Variants in NARS2 observed in about 807,000 individuals in gnomAD.
NARS2 encodes asparaginyl-tRNA synthetase.
A neutral mutation model predicts 62.9 loss-of-function variants in NARS2; 60 were observed. The observed-to-expected ratio is 0.95, with a 90% CI of 0.77 to 1.18. NARS2 has a LOEUF of 1.18. NARS2 is among the 50% of genes most tolerant of loss of function. NARS2 has a pLI of 0.00. For missense variants in NARS2, 619 were observed against 576.4 expected, an observed-to-expected ratio of 1.07 and a Z score of -0.76; for synonymous variants, 196 against 200.0, an observed-to-expected ratio of 0.98 and a Z score of 0.17.
chr11:78,556,027 G>A (rs1453922182), intron 5 of NARS2, among the ~76,000 whole-genome samples: 1 of 152,196 alleles, frequency 6.6e-6, no homozygotes. Context: ...TTATTGTGCT[G>A]TGGTCTGAGA....
At chr11:78,521,424 C>T (rs1041194911) in intron 6 of NARS2, among the ~76,000 whole-genome samples, 3 of 152,146 alleles carry the variant, frequency 2.0e-5, no homozygotes, top group Admixed American at 6.5e-5. Flanking sequence ...CCTCCTGCCT[C>T]AGCCTCTCAA....
intron 5 of NARS2, among the ~76,000 whole-genome samples, chr11:78,552,555 T>C (rs1217092213): frequency 6.6e-6 from 1 of 152,166 alleles, no homozygotes; most frequent in Non-Finnish European, 1.5e-5. Context: ...TTGGGCAAAC[T>C]TCCTCTCATT....
Position 78,478,676 on chromosome 11 carries a change from T to G in NARS2, c.830A>C (p.Glu277Ala). The change falls in exon 8 of 14, where the codon GAG becomes GCG. Residue 277 changes from glutamate (E) to alanine (A), a missense_variant. Glu to Ala is a moderately radical substitution (Grantham distance 107, BLOSUM62 -1). Coordinates refer to ENST00000281038, the MANE Select transcript of NARS2 (RefSeq NM_024678.6). ...CATTGTTGTAGCCTTGAACAGTTCC[T>G]CTATAACCTAAGAGAAATGAAATAG... ...DSLQDLMQVI[E>A]ELFKATTMMV... The G allele has an allele frequency of 1.2e-6, 2 of 1,602,256 alleles. No homozygotes were observed. Among genetic ancestry groups the G allele is most frequent in the Non-Finnish European group, 1.7e-6 (2 of 1,172,388 alleles).
intron 5 of NARS2, among the ~76,000 whole-genome samples, chr11:78,557,773 A>C (rs1164126898): frequency 6.7e-6 from 1 of 148,870 alleles, no homozygotes; most frequent in African/African-American, 2.4e-5. Context: ...TTTAGAGGTC[A>C]AGATATATAT....
At position 78,509,826 on chromosome 11, in the gene NARS2, CA is replaced by C. The variant is rs71046976; in HGVS notation, c.690-16632del. On this transcript the variant is annotated intron_variant, in intron 6 of 13. Coordinates refer to ENST00000281038, the MANE Select transcript of NARS2 (RefSeq NM_024678.6). ...TGGGTGATGGAGTGAGACTCTGTCT[CA>C]AAAAAAAAAAAAAAAGAAAAGAAAA... 9.2e-3 allele frequency among the ~76,000 whole-genome samples: 1,068 copies of C among 116,666 alleles called. 13 individuals carry two copies. Among genetic ancestry groups the C allele is most frequent in the African/African-American group, 0.036 (987 of 27,732 alleles). 76.5% of individuals were successfully genotyped at this position (116,666 alleles called of 152,430 possible). A position where few individuals can be genotyped will look rare whatever the true frequency, so the allele number is the denominator to read the frequency against.
Position 78,493,113 on chromosome 11 carries a change from T to C in NARS2, c.772A>G (p.Met258Val), listed in dbSNP as rs1316806206. The change falls in exon 7 of 14, where the codon ATG (methionine) becomes GTG (valine). Residue 258 changes from methionine (M) to valine (V), a missense_variant. Physicochemically the swap from Met to Val is conservative, Grantham distance 21. Transcript: ENST00000281038. ...QSRRHLAEFY[M>V]IEAEISFVDS... ...ACAAAAGAAATCTCTGCTTCTATCATATAAAACTCTGCCAGGTGCCTCCGG... is the reference window on the plus strand; with the variant it reads ...ACAAAAGAAATCTCTGCTTCTATCACATAAAACTCTGCCAGGTGCCTCCGG... 2 of 1,613,906 alleles carry C rather than the reference T, an allele frequency of 1.2e-6. No homozygotes were observed. The highest frequency in any genetic ancestry group is 1.6e-4 in the Middle Eastern group (1 of 6,078).
At chr11:78,516,174 T>C (rs1055749522) in intron 6 of NARS2, among the ~76,000 whole-genome samples, 1 of 152,204 alleles carries the variant, frequency 6.6e-6, no homozygotes, top group Non-Finnish European at 1.5e-5. Flanking sequence ...TATTCAAGTA[T>C]AATATATCAA....
intron 5 of NARS2, among the ~76,000 whole-genome samples, chr11:78,558,779 A>G (rs894233788): frequency 1.3e-5 from 2 of 152,224 alleles, no homozygotes; most frequent in African/African-American, 4.8e-5. Context: ...CAAAATATAA[A>G]TCAGTTCTTA....
chr11:78,503,843 G>A (rs868821336), intron 6 of NARS2, among the ~76,000 whole-genome samples: 5 of 152,202 alleles, frequency 3.3e-5, no homozygotes, highest in African/African-American at 1.2e-4. Context: ...TAAGAAGGAG[G>A]AGGAGGAGGA....
At chr11:78,465,801 GA>G in intron 11 of NARS2, 74 bp downstream of exon 11, 1 of 1,473,396 alleles carries the variant, frequency 6.8e-7, no homozygotes, top group African/African-American at 1.4e-5. Context: ...TGACATTTAA[GA>G]AAAGATCACA....
chr11:78,465,594 TACAAA>T (rs775653540), intron 11 of NARS2, among the ~76,000 whole-genome samples: 5 of 152,094 alleles, frequency 3.3e-5, no homozygotes, highest in African/African-American at 1.2e-4. Context: ...TCTCAGTCAT[TACAAA>T]ACAAAACAAA....
Position 78,493,192 on chromosome 11 carries a change from A to C in NARS2, c.693T>G (p.Ala231=), listed in dbSNP as rs549103655. The change falls in exon 7 of 14, where the codon GCT becomes GCG. Residue 231 remains alanine (A), a synonymous_variant. Transcript: ENST00000281038. ...GACCAAAGGTAAACACTTGAGTAAA[A>C]GCTCTGCAATTCAAGATTAAGAGAA... The part of the protein sequence containing the change: ...GQLHLEVMSG[A]FTQVFTFGPT... 1 of 1,611,296 alleles carries C rather than the reference A, an allele frequency of 6.2e-7. No homozygotes were observed. The highest frequency in any genetic ancestry group is 1.7e-5 in the Admixed American group (1 of 58,942).
At chr11:78,520,036 G>A (rs1861057521) in intron 6 of NARS2, among the ~76,000 whole-genome samples, 1 of 151,974 alleles carries the variant, frequency 6.6e-6, no homozygotes, top group South Asian at 2.1e-4. Flanking sequence ...TATAAAAACA[G>A]CTAATATTTT....
intron 7 of NARS2, among the ~76,000 whole-genome samples, chr11:78,481,183 TAG>T (rs1859339201): frequency 6.6e-6 from 1 of 152,048 alleles, no homozygotes; most frequent in Non-Finnish European, 1.5e-5. Context: ...ACAGAATGTA[TAG>T]ATTCTAAACT....
intron 9 of NARS2, among the ~76,000 whole-genome samples, chr11:78,471,520 CT>C (rs139839568): frequency 2.0e-5 from 3 of 151,210 alleles, no homozygotes; most frequent in Non-Finnish European, 2.9e-5. Context: ...ATTGAACTAT[CT>C]TTTTTTTTCT....
At chr11:78,569,428 T>C (rs1856844719) in intron 2 of NARS2, among the ~76,000 whole-genome samples, 1 of 152,236 alleles carries the variant, frequency 6.6e-6, no homozygotes. Context: ...GTGCTGGGAT[T>C]AGAGGCATGA....
At chr11:78,460,291 G>C (rs1858345886) in intron 11 of NARS2, among the ~76,000 whole-genome samples, 2 of 125,292 alleles carry the variant, frequency 1.6e-5, no homozygotes, top group Admixed American at 8.3e-5. Flanking sequence ...TTTTTTAATG[G>C]GGATGGAGTC....
chr11:78,493,304 T>C, intron 6 of NARS2, 109 bp from the exon 7 acceptor site: 5 of 980,816 alleles, frequency 5.1e-6, no homozygotes, highest in Non-Finnish European at 7.6e-6. Flanking sequence ...GCCTCTGTCT[T>C]GTCCACAGAC....
intron 1 of NARS2, chr11:78,571,758 C>G: frequency 4.4e-6 from 1 of 226,304 alleles, no homozygotes; most frequent in South Asian, 7.7e-5. Flanking sequence ...TATTTCCTCC[C>G]AGAGCCCTGC....
Sources: gnomAD v4.1 joint callset for allele counts (sites outside exome capture counted in the v4.1 genomes callset) on GRCh38, gnomAD v4.1.1 for gene constraint, MANE v1.5 for transcripts, NCBI Gene and HGNC (gene_info 2026-07-23, HGNC 2026-07-21) for gene names.